The following TSPAN6 variants were observed in gnomAD, a reference collection of about 807,000 sequenced individuals.
TSPAN6 encodes the protein tetraspanin 6, also known as tetraspanin-6.
Under a neutral mutation model 18.0 loss-of-function variants are expected in TSPAN6, and 13 were observed. The observed-to-expected ratio is 0.72, with a 90% CI of 0.47 to 1.15. The LOEUF is 1.15. Ranked by LOEUF, TSPAN6 falls within the 50% of genes most tolerant of loss-of-function variation. TSPAN6 has a pLI of 0.00. For missense variants in TSPAN6, 186 were observed against 183.9 expected (o/e 1.01, Z -0.07); for synonymous variants, 82 against 67.0 (o/e 1.22, Z -1.09).
chrX:100,630,293 C>T, intron 7 of TSPAN6, among the ~76,000 whole-genome samples: 1 of 112,011 alleles, frequency 8.9e-6, no homozygotes, highest in Admixed American at 9.5e-5. Flanking sequence ...CCAAGAAAGC[C>T]ACACTCTCAA....
At chrX:100,633,053 TCACGCCTGTAATCCCAG>T (rs1406690791) in intron 5 of TSPAN6, among the ~76,000 whole-genome samples, 3 of 112,636 alleles carry the variant, frequency 2.7e-5, no homozygotes, top group Non-Finnish European at 5.6e-5. Flanking sequence ...GTGCAGTGGC[TCACGCCTGTAATCCCAG>T]CACTTTGGGA....
Position 100,629,930 on chromosome X carries a change from T to C in TSPAN6, c.*96A>G. On this transcript the variant is annotated 3_prime_UTR_variant, in exon 8 of 8. Transcript: ENST00000373020. ...AGTTTTTTGGTCTATCAGTAAGTAG[T>C]GTTGTCAGTTCTCCAGCCAAGCAAC... 1 of 738,254 alleles carries C rather than the reference T, an allele frequency of 1.4e-6. No homozygotes were observed. Among genetic ancestry groups the C allele is most frequent in the Non-Finnish European group, 1.6e-6 (1 of 624,526 alleles). The allele number at this position is 738,254 out of a possible 1,213,427, so 60.8% of individuals were successfully genotyped here.
chrX:100,632,730 TTTGA>T (rs1258844523), intron 5 of TSPAN6, among the ~76,000 whole-genome samples, 162 bp from the exon 6 acceptor site: 15 of 112,151 alleles, frequency 1.3e-4, no homozygotes, highest in Non-Finnish European at 3.8e-5. Flanking sequence ...TATCATAGCC[TTTGA>T]TTGTCATTTT....
At position 100,636,622 on chromosome X, in the gene TSPAN6, T is replaced by C. The variant is rs374960389; in HGVS notation, c.73A>G (p.Thr25Ala). 43 of 1,202,007 alleles carry C rather than the reference T, an allele frequency of 3.6e-5. No homozygotes were observed. Among genetic ancestry groups the C allele is most frequent in the Non-Finnish European group, 4.0e-5 (36 of 891,589 alleles). The change falls in exon 1 of 8, where the codon ACT becomes GCT. Residue 25 changes from threonine (T) to alanine (A), a missense_variant. Physicochemically the swap from Thr to Ala is moderately conservative, Grantham distance 58 (BLOSUM62 0). Coordinates refer to ENST00000373020, the MANE Select transcript of TSPAN6 (RefSeq NM_003270.4). The part of the protein sequence containing the change: ...TCFKSVLLIY[T>A]FIFWITGVIL... ...TCGTCTCTCACCCAGAAAATAAAAGTGTAGATTAGCAGAACGCTCTTGAAA... is the reference window on the plus strand; with the variant it reads ...TCGTCTCTCACCCAGAAAATAAAAGCGTAGATTAGCAGAACGCTCTTGAAA...
chrX:100,631,455 C>T (rs986123894), intron 6 of TSPAN6, among the ~76,000 whole-genome samples: 2 of 111,541 alleles, frequency 1.8e-5, no homozygotes, highest in Non-Finnish European at 3.8e-5. Flanking sequence ...TATATTAAGA[C>T]GAAACTTGAA....
At chrX:100,632,113 G>C (rs2083063611) in intron 6 of TSPAN6, 2 of 154,224 alleles carry the variant, frequency 1.3e-5, no homozygotes, top group Non-Finnish European at 2.4e-5. Flanking sequence ...AGCCTTAAAA[G>C]TGAAAATCTC....
At position 100,634,169 on chromosome X, in the gene TSPAN6, T is replaced by C. The variant is rs1397108849; in HGVS notation, c.352-140A>G. On this transcript the variant is annotated intron_variant, in intron 3 of 7. Transcript: ENST00000373020. ...ATAGTAATTAACTTCCATGGTACAGTCCTGTCCTCTAAGGGGTATAGGTTA... is the reference window on the plus strand; with the variant it reads ...ATAGTAATTAACTTCCATGGTACAGCCCTGTCCTCTAAGGGGTATAGGTTA... 37 of 429,869 alleles carry C rather than the reference T, an allele frequency of 8.6e-5. 1 individual carries two copies. Among genetic ancestry groups the C allele is most frequent in the Middle Eastern group, 1.3e-3 (2 of 1,590 alleles). The allele number at this position is 429,869 out of a possible 1,213,427, so 35.4% of individuals were successfully genotyped here. A position where few individuals can be genotyped will look rare whatever the true frequency, so the allele number is the denominator to read the frequency against.
intron 3 of TSPAN6, 37 bp from the exon 4 acceptor site, chrX:100,634,066 T>G (rs2083078078): frequency 9.5e-7 from 1 of 1,051,058 alleles, no homozygotes; most frequent in African/African-American, 1.9e-5. Flanking sequence ...AAGAAAATCC[T>G]CTAGAAAGTT....
Position 100,633,997 on chromosome X carries a change from C to T in TSPAN6, c.384G>A (p.Lys128=), listed in dbSNP as rs1371599815. The change falls in exon 4 of 8, where the codon AAG becomes AAA. Residue 128 remains lysine (K), a synonymous_variant. Transcript: ENST00000373020. ...IKNSFKNNYE[K]ALKQYNSTGD... ...CTGTAGAGTTATACTGCTTCAAAGC[C>T]TTCTCATAATTATTCTTAAAGCTGT... The T allele has an allele frequency of 1.7e-6, 2 of 1,198,363 alleles. No homozygotes were observed.
chrX:100,635,813 G>A, intron 1 of TSPAN6, 67 bp from the exon 2 acceptor site: 1 of 890,817 alleles, frequency 1.1e-6, no homozygotes, highest in East Asian at 3.6e-5. Flanking sequence ...AAATCACAAC[G>A]CATGAGGTAT....
At position 100,628,698 on chromosome X, in the gene TSPAN6, T is replaced by C. The variant is rs1010193103; in HGVS notation, c.*1328A>G. The C allele has an allele frequency of 8.9e-6, 1 of 112,303 alleles. No homozygotes were observed. The highest frequency in any genetic ancestry group is 3.2e-5 in the African/African-American group (1 of 30,928). The allele number at this position is 112,303 out of a possible 1,213,427, so 9.3% of individuals were successfully genotyped here. On this transcript the variant is annotated 3_prime_UTR_variant, in exon 8 of 8. Transcript: ENST00000373020. ...GGAGAACACTAGTCATATGCTACTT[T>C]ATAACATGGAATATAATTTTTTTCA... is the stretch of plus-strand genomic sequence containing the variant.
Position 100,627,337 on chromosome X carries a change from T to C in TSPAN6, c.*2689A>G, listed in dbSNP as rs1395560015. On this transcript the variant is annotated 3_prime_UTR_variant, in exon 8 of 8. Transcript: ENST00000373020. ...AAATGAATTATTTTAAACATAGATA[T>C]ATAGTGAAGTAAAATGTAAAATTCT... The C allele has an allele frequency of 2.7e-5, 3 of 111,847 alleles. No homozygotes were observed. 9.2% of individuals were successfully genotyped at this position (111,847 alleles called of 1,213,427 possible).
rs769614998 is a variant in TSPAN6, at chrX:100,635,591, A to T, written c.243T>A (p.Ala81=). ...IILLGTFGCF[A]TCRASAWMLK... ...GCATCCATGCAGAAGCTCGGCAGGT[A>T]GCAAAACAACCAAAGGTGCCCAAAA... Residue 81 remains alanine, a synonymous_variant, in exon 2 of 8, where the codon GCT becomes GCA. Coordinates refer to ENST00000373020, the MANE Select transcript of TSPAN6 (RefSeq NM_003270.4). The T allele has an allele frequency of 4.2e-6, 5 of 1,198,541 alleles. No individual in the cohort carries two copies. Among genetic ancestry groups the T allele is most frequent in the African/African-American group, 1.7e-5 (1 of 57,148 alleles).
rs959434652 is a variant in TSPAN6 at position 100,627,826 on chromosome X, T to C, written c.*2200A>G. The C allele has an allele frequency of 2.8e-4, 31 of 110,442 alleles. No individual in the cohort carries two copies. Among genetic ancestry groups the C allele is most frequent in the African/African-American group, 7.9e-4 (24 of 30,290 alleles). The allele number at this position is 110,442 out of a possible 1,213,427, so 9.1% of individuals were successfully genotyped here. A position where few individuals can be genotyped will look rare whatever the true frequency, so the allele number is the denominator to read the frequency against. On this transcript the variant is annotated 3_prime_UTR_variant, in exon 8 of 8. Transcript: ENST00000373020. ...AATGAGGGAAAACTTTTTTTTTTTT[T>C]CTGAGATGCAGGTTCACTCTTATCG...
chrX:100,633,669 T>A, intron 4 of TSPAN6, 130 bp from the exon 5 acceptor site: 1 of 726,563 alleles, frequency 1.4e-6, no homozygotes, highest in Non-Finnish European at 2.0e-6. Flanking sequence ...CCTCAATTGA[T>A]TCAAGAGATG....
At chrX:100,636,858 C>T, upstream of TSPAN6, 1 of 488,758 alleles carries the variant, frequency 2.0e-6, no homozygotes, top group Non-Finnish European at 3.0e-6. Context: ...GTATGGGAGG[C>T]TGTCCGGAAA....
In TSPAN6 at chrX:100,635,684, AAAGT is replaced by A; in HGVS notation, c.146_149del (p.Tyr49PhefsTer4). The A allele has an allele frequency of 8.4e-7, 1 of 1,193,593 alleles. No individual in the cohort carries two copies. Among genetic ancestry groups the A allele is most frequent in the Non-Finnish European group, 1.1e-6 (1 of 885,249 alleles). On this transcript the variant is annotated frameshift_variant, in exon 2 of 8. Transcript: ENST00000373020. LOFTEE classifies it high-confidence loss of function. ...TGGTGGCCTTCTCATTTAAAAGAGA[AAAGT>A]AATTCTCCAGGCTCACCTTGCCCCA...
chrX:100,636,338 G>GCCT (rs1399070631), intron 1 of TSPAN6: 6 of 926,847 alleles, frequency 6.5e-6, no homozygotes, highest in Non-Finnish European at 8.0e-6. Flanking sequence ...GCCCCACCTC[G>GCCT]CCTCCCGTAT....
At position 100,636,787 on chromosome X, in the gene TSPAN6, A is replaced by G. The variant is rs2083100228; in HGVS notation, c.-93T>C. On this transcript the variant is annotated 5_prime_UTR_variant, in exon 1 of 8. Coordinates refer to ENST00000373020, the MANE Select transcript of TSPAN6 (RefSeq NM_003270.4). ...CGAGTCTCCCCGGAAACTGCCGAAA[A>G]CTTACGAGCGTCCACAACTGAGAAG... The G allele has an allele frequency of 2.0e-6, 2 of 976,934 alleles. No homozygotes were observed. The highest frequency in any genetic ancestry group is 3.9e-5 in the African/African-American group (2 of 51,228). 80.5% of individuals were successfully genotyped at this position (976,934 alleles called of 1,213,427 possible). A position where few individuals can be genotyped will look rare whatever the true frequency, so the allele number is the denominator to read the frequency against.
Sources: allele counts gnomAD v4.1 joint callset (sites outside exome capture counted in the v4.1 genomes callset), GRCh38; gene constraint gnomAD v4.1.1; transcripts MANE v1.5; gene names NCBI Gene and HGNC (gene_info 2026-07-23, HGNC 2026-07-21).